LRRC4C: variants seen among roughly 807,000 people sequenced by gnomAD.
LRRC4C encodes leucine-rich repeat-containing protein 4C.
Under a neutral mutation model 33.6 loss-of-function variants are expected in LRRC4C, and 5 were observed. The observed-to-expected ratio is 0.15, with a 90% CI of 0.08 to 0.31. LRRC4C has a LOEUF of 0.31. Among genes scored for constraint, LRRC4C ranks in the 10% least tolerant of loss-of-function variants. The pLI is 1.00. For synonymous variants in LRRC4C, 329 were observed against 302.0 expected (o/e 1.09, Z -0.93); for missense variants, 560 against 796.7 (o/e 0.70, Z 3.58).
At position 40,388,861 on chromosome 11, in the gene LRRC4C, G is replaced by A. The variant is rs144476270; in HGVS notation, c.-269-69140C>T. ...TGTCTGTATTCAGATATTCCCTGAA[G>A]TTCAGAGGACGAGGTACTGCAAAAT... is the stretch of plus-strand genomic sequence containing the variant. On this transcript the variant is annotated intron_variant, in intron 3 of 6. Coordinates refer to ENST00000528697, the MANE Select transcript of LRRC4C (RefSeq NM_001258419.2). 6.7e-4 allele frequency among the ~76,000 whole-genome samples: 102 copies of A among 152,288 alleles called. 1 individual carries two copies. In the East Asian group the frequency reaches 0.019, roughly 28 times the overall value.
chr11:40,273,948 T>A (rs749488434), intron 4 of LRRC4C, among the ~76,000 whole-genome samples: 4 of 152,196 alleles, frequency 2.6e-5, no homozygotes, highest in South Asian at 2.1e-4. Context: ...TTTAGTCTAT[T>A]TTCCCCACGA....
intron 5 of LRRC4C, among the ~76,000 whole-genome samples, chr11:40,156,454 A>G (rs555973492): frequency 6.6e-6 from 1 of 152,066 alleles, no homozygotes; most frequent in South Asian, 2.1e-4. Flanking sequence ...AAACACTAAG[A>G]CTCATCCAGA....
intron 2 of LRRC4C, among the ~76,000 whole-genome samples, chr11:40,839,144 A>G (rs1304506275): frequency 6.6e-6 from 1 of 152,100 alleles, no homozygotes; most frequent in Non-Finnish European, 1.5e-5. Context: ...TGTTTTTTAG[A>G]TATTTTCTAC....
intron 1 of LRRC4C, among the ~76,000 whole-genome samples, chr11:41,126,187 T>G (rs961904908): frequency 6.6e-6 from 1 of 152,014 alleles, no homozygotes; most frequent in Non-Finnish European, 1.5e-5. Flanking sequence ...AAATTTAAAT[T>G]AAATTAAATT....
intron 1 of LRRC4C, among the ~76,000 whole-genome samples, chr11:41,368,384 C>T (rs1261267727): frequency 6.6e-6 from 1 of 152,204 alleles, no homozygotes; most frequent in Non-Finnish European, 1.5e-5. Flanking sequence ...TTGAATAGAA[C>T]ACCTGTTCGG....
chr11:41,353,602 C>T (rs1952056878), intron 1 of LRRC4C, among the ~76,000 whole-genome samples: 1 of 152,080 alleles, frequency 6.6e-6, no homozygotes, highest in African/African-American at 2.4e-5. Flanking sequence ...GTCTGATGAA[C>T]ATAGATGCAA....
intron 1 of LRRC4C, among the ~76,000 whole-genome samples, chr11:41,284,629 C>T (rs1289457911): frequency 6.6e-6 from 1 of 152,200 alleles, no homozygotes; most frequent in Non-Finnish European, 1.5e-5. Context: ...CAGCCCTCCC[C>T]ACAGACAGCT....
At position 41,281,806 on chromosome 11, in the gene LRRC4C, T is replaced by C. The variant is rs534576258; in HGVS notation, c.-496+177625A>G. Among the ~76,000 whole-genome samples the C allele has an allele frequency of 7.1e-4, 108 of 152,324 alleles. 1 individual carries two copies. The highest frequency in any genetic ancestry group is 2.6e-3 in the African/African-American group (106 of 41,562). On this transcript the variant is annotated intron_variant, in intron 1 of 6. Transcript: ENST00000528697. Reference sequence around the variant, plus strand: ...TAAGCCACTCCAACAATCTTTAGTTTGTGGAGTTTAGTGGAGGTTGGTTTG... The same window carrying C: ...TAAGCCACTCCAACAATCTTTAGTTCGTGGAGTTTAGTGGAGGTTGGTTTG...
intron 1 of LRRC4C, among the ~76,000 whole-genome samples, chr11:41,246,881 C>T (rs895437671): frequency 1.4e-4 from 22 of 152,096 alleles, no homozygotes; most frequent in African/African-American, 3.1e-4. Flanking sequence ...GTGTTTCATT[C>T]GGGTAGAGAA....
chr11:40,590,930 T>G (rs1004140950), intron 3 of LRRC4C, among the ~76,000 whole-genome samples: 1 of 152,208 alleles, frequency 6.6e-6, no homozygotes, highest in African/African-American at 2.4e-5. Context: ...GCTGTCTTTT[T>G]GTTTGTCTGT....
In LRRC4C at chr11:40,452,058, T is replaced by A. The variant is rs182367251; in HGVS notation, c.-269-132337A>T. Among the ~76,000 whole-genome samples the A allele has an allele frequency of 3.6e-4, 55 of 152,118 alleles. 2 individuals are homozygous for A. Among genetic ancestry groups the A allele is most frequent in the African/African-American group, 1.2e-3 (50 of 41,500 alleles). On this transcript the variant is annotated intron_variant, in intron 3 of 6. Transcript: ENST00000528697. ...TCCCTTTCCTAGCCAAGGAAAGCGGTGACAGACAGCACCTGGAAAATCTTG... is the reference window on the plus strand; with the variant it reads ...TCCCTTTCCTAGCCAAGGAAAGCGGAGACAGACAGCACCTGGAAAATCTTG...
intron 3 of LRRC4C, among the ~76,000 whole-genome samples, chr11:40,500,145 C>T (rs748089399): frequency 1.4e-4 from 21 of 151,696 alleles, no homozygotes; most frequent in African/African-American, 4.8e-4. Context: ...TTAATAGGTA[C>T]GTAACTGGGG....
chr11:40,433,722 GT>G (rs1951028002), intron 3 of LRRC4C, among the ~76,000 whole-genome samples: 1 of 152,174 alleles, frequency 6.6e-6, no homozygotes, highest in Non-Finnish European at 1.5e-5. Flanking sequence ...TATTTATCAT[GT>G]TGCCCACAGA....
intron 3 of LRRC4C, among the ~76,000 whole-genome samples, chr11:40,533,414 G>T (rs796425549): frequency 1.3e-5 from 2 of 152,036 alleles, no homozygotes; most frequent in Non-Finnish European, 2.9e-5. Flanking sequence ...ACGCCAATAC[G>T]TCATGATTAT....
intron 1 of LRRC4C, among the ~76,000 whole-genome samples, chr11:41,097,936 A>T (rs1166709329): frequency 6.6e-6 from 1 of 151,936 alleles, no homozygotes; most frequent in East Asian, 1.9e-4. Flanking sequence ...CCTGCTTTGT[A>T]CCTCTCTAAA....
At chr11:41,235,811 G>C (rs1947997241) in intron 1 of LRRC4C, among the ~76,000 whole-genome samples, 1 of 151,968 alleles carries the variant, frequency 6.6e-6, no homozygotes. Context: ...TGCCTCCCAG[G>C]GGAGTTCTTA....
chr11:41,182,815 T>C (rs532503404), intron 1 of LRRC4C, among the ~76,000 whole-genome samples: 1 of 150,472 alleles, frequency 6.6e-6, no homozygotes, highest in East Asian at 2.0e-4. Context: ...GTTTTCACAC[T>C]GCTGATAAAT....
At chr11:40,303,175 T>C (rs1944861943) in intron 4 of LRRC4C, among the ~76,000 whole-genome samples, 1 of 151,904 alleles carries the variant, frequency 6.6e-6, no homozygotes, top group Non-Finnish European at 1.5e-5. Flanking sequence ...CAGAGAGAAA[T>C]TGGGAAACTT....
At chr11:41,230,256 C>T (rs1013024300) in intron 1 of LRRC4C, among the ~76,000 whole-genome samples, 1 of 152,018 alleles carries the variant, frequency 6.6e-6, no homozygotes, top group African/African-American at 2.4e-5. Flanking sequence ...ACTGCATGAC[C>T]ACCATTAGCT....
Sources: gnomAD v4.1 joint callset for allele counts (sites outside exome capture counted in the v4.1 genomes callset) on GRCh38, gnomAD v4.1.1 for gene constraint, MANE v1.5 for transcripts, NCBI Gene and HGNC (gene_info 2026-07-23, HGNC 2026-07-21) for gene names.